PALLD: variants seen among roughly 807,000 people sequenced by gnomAD.
PALLD encodes the protein palladin, cytoskeletal associated protein.
In PALLD, 61 loss-of-function variants were observed where a neutral mutation model predicts 123.5. The ratio of observed to expected loss-of-function variants is 0.49; its 90% CI spans 0.40 to 0.61. The LOEUF (loss-of-function observed/expected upper bound fraction) is 0.61. Ranked by LOEUF, PALLD falls within the 20% of genes least tolerant of loss-of-function variation. The probability of loss-of-function intolerance (pLI) is 0.00; values close to 1 mark genes in which losing one functional copy is unlikely to be tolerated. For synonymous variants in PALLD, 465 were observed against 496.4 expected (o/e 0.94, Z 0.84); for missense variants, 1,273 against 1,377.0 (o/e 0.92, Z 1.20).
intron 8 of PALLD, among the ~76,000 whole-genome samples, chr4:168,708,415 A>T (rs1401042116): frequency 6.6e-6 from 1 of 152,170 alleles, no homozygotes; most frequent in Non-Finnish European, 1.5e-5. Flanking sequence ...AGGGAGACTG[A>T]CCAAAGTCAC....
chr4:168,669,210 G>T (rs1779940368), intron 3 of PALLD, among the ~76,000 whole-genome samples: 1 of 152,156 alleles, frequency 6.6e-6, no homozygotes, highest in Non-Finnish European at 1.5e-5. Context: ...ATGTGGAGGT[G>T]AAGAAGGCAA....
intron 2 of PALLD, among the ~76,000 whole-genome samples, chr4:168,611,566 A>C (rs1457323151): frequency 6.6e-6 from 1 of 152,242 alleles, no homozygotes; most frequent in Non-Finnish European, 1.5e-5. Context: ...TCTGAAGACT[A>C]TCAGATTAAT....
chr4:168,512,854 G>A (rs564313253), intron 2 of PALLD, among the ~76,000 whole-genome samples: 1 of 152,104 alleles, frequency 6.6e-6, no homozygotes. Flanking sequence ...CCAACCTTCA[G>A]ATTAGCCCCC....
intron 2 of PALLD, among the ~76,000 whole-genome samples, chr4:168,639,227 G>C (rs1776651526): frequency 6.6e-6 from 1 of 152,184 alleles, no homozygotes; most frequent in Admixed American, 6.5e-5. Flanking sequence ...AGAAGTCATT[G>C]CTCAGTTGCC....
chr4:168,645,225 T>C (rs1777330410), intron 2 of PALLD, among the ~76,000 whole-genome samples: 1 of 152,012 alleles, frequency 6.6e-6, no homozygotes, highest in Non-Finnish European at 1.5e-5. Flanking sequence ...ATGAAGGCAA[T>C]AGTACCCAGC....
At chr4:168,607,474 A>G (rs551420694) in intron 2 of PALLD, among the ~76,000 whole-genome samples, 112 of 152,320 alleles carry the variant, frequency 7.4e-4, no homozygotes, top group Admixed American at 3.9e-3. Flanking sequence ...GAATTGAATA[A>G]TCAACTACAG....
At chr4:168,671,409 A>T (rs1469562295) in intron 3 of PALLD, among the ~76,000 whole-genome samples, 1 of 152,254 alleles carries the variant, frequency 6.6e-6, no homozygotes, top group African/African-American at 2.4e-5. Flanking sequence ...GATTTCTTCC[A>T]GTGCCCAGCT....
chr4:168,622,961 A>C (rs1041270469), intron 2 of PALLD, among the ~76,000 whole-genome samples: 1 of 152,222 alleles, frequency 6.6e-6, no homozygotes, highest in African/African-American at 2.4e-5. Context: ...GTAAACCCTC[A>C]GTGCTTCAAC....
At chr4:168,723,300 G>A (rs1439661810) in intron 10 of PALLD, among the ~76,000 whole-genome samples, 1 of 152,194 alleles carries the variant, frequency 6.6e-6, no homozygotes, top group East Asian at 1.9e-4. Flanking sequence ...AACTTCAAAA[G>A]AGGAACAGAT....
At chr4:168,754,645 A>T (rs1731527349) in intron 10 of PALLD, among the ~76,000 whole-genome samples, 1 of 152,166 alleles carries the variant, frequency 6.6e-6, no homozygotes, top group Non-Finnish European at 1.5e-5. Context: ...AACAGGATTC[A>T]ACCGAGATAT....
chr4:168,879,850 CCTT>C (rs1471935610), intron 10 of PALLD, among the ~76,000 whole-genome samples: 4 of 152,292 alleles, frequency 2.6e-5, no homozygotes, highest in African/African-American at 9.6e-5. Flanking sequence ...GAACCTTTGT[CCTT>C]CTCCCTTGTT....
chr4:168,792,629 A>C (rs2150610587), intron 10 of PALLD, among the ~76,000 whole-genome samples: 1 of 152,238 alleles, frequency 6.6e-6, no homozygotes, highest in African/African-American at 2.4e-5. Context: ...GAGCCTGTAT[A>C]GCCTGGGAAC....
At chr4:168,695,891 GAAA>G (rs1783084990) in intron 8 of PALLD, among the ~76,000 whole-genome samples, 1 of 152,058 alleles carries the variant, frequency 6.6e-6, no homozygotes, top group South Asian at 2.1e-4. Flanking sequence ...AAAGTATTGA[GAAA>G]CTTAGAGTCC....
At chr4:168,560,428 T>G (rs1767751398) in intron 2 of PALLD, among the ~76,000 whole-genome samples, 1 of 152,214 alleles carries the variant, frequency 6.6e-6, no homozygotes, top group African/African-American at 2.4e-5. Context: ...CTGAAACTAC[T>G]CAGCAGTTCC....
At chr4:168,543,697 G>T (rs1765865244) in intron 2 of PALLD, among the ~76,000 whole-genome samples, 1 of 152,180 alleles carries the variant, frequency 6.6e-6, no homozygotes, top group Non-Finnish European at 1.5e-5. Context: ...CCCACAACCA[G>T]CCAAGCTGGG....
At chr4:168,904,501 T>C (rs1287670292) in intron 15 of PALLD, among the ~76,000 whole-genome samples, 2 of 152,234 alleles carry the variant, frequency 1.3e-5, no homozygotes, top group Non-Finnish European at 2.9e-5. Flanking sequence ...CTGGGTATCA[T>C]GTTGCCAGTT....
intron 3 of PALLD, among the ~76,000 whole-genome samples, chr4:168,669,096 G>A (rs1779931721): frequency 6.6e-6 from 1 of 152,214 alleles, no homozygotes; most frequent in South Asian, 2.1e-4. Flanking sequence ...TGAGTGCTCT[G>A]TTAATTGGTT....
intron 2 of PALLD, among the ~76,000 whole-genome samples, chr4:168,624,403 C>A (rs1005286838): frequency 6.6e-6 from 1 of 151,980 alleles, no homozygotes; most frequent in African/African-American, 2.4e-5. Flanking sequence ...ATCCACCCCC[C>A]GCAAAAAAGC....
At chr4:168,692,836 T>A (rs1056547023) in intron 8 of PALLD, among the ~76,000 whole-genome samples, 1 of 152,238 alleles carries the variant, frequency 6.6e-6, no homozygotes, top group Non-Finnish European at 1.5e-5. Flanking sequence ...ATCGTGTTGT[T>A]ATACGTTGTC....
Sources: allele counts gnomAD v4.1 joint callset (sites outside exome capture counted in the v4.1 genomes callset), GRCh38; gene constraint gnomAD v4.1.1; transcripts MANE v1.5; gene names NCBI Gene and HGNC (gene_info 2026-07-23, HGNC 2026-07-21).